Variants in CFAP54 observed in about 807,000 individuals in gnomAD.
The protein encoded by CFAP54 is cilia- and flagella-associated protein 54.
A neutral mutation model predicts 370.4 loss-of-function variants in CFAP54; 290 were observed. The observed-to-expected ratio is 0.78, with a 90% CI of 0.71 to 0.86. CFAP54 has a LOEUF of 0.86. Among genes scored for constraint, CFAP54 ranks in the 40% least tolerant of loss-of-function variants. CFAP54 has a pLI of 0.00. For synonymous variants in CFAP54, 1,206 were observed against 1,236.5 expected (o/e 0.98, Z 0.52); for missense variants, 3,399 against 3,528.7 (o/e 0.96, Z 0.93).
intron 67 of CFAP54, among the ~76,000 whole-genome samples, chr12:96,862,589 A>G (rs1337763165): frequency 6.6e-6 from 1 of 152,210 alleles, no homozygotes; most frequent in Admixed American, 6.5e-5. Context: ...GATATAATGA[A>G]AGGGAAAGAA....
intron 65 of CFAP54, among the ~76,000 whole-genome samples, chr12:96,824,174 AC>A: frequency 6.6e-6 from 1 of 152,206 alleles, no homozygotes; most frequent in Non-Finnish European, 1.5e-5. Context: ...TCTGGCTGGG[AC>A]AGGCGAGCTC....
At chr12:96,767,317 T>C (rs1565971094) in intron 60 of CFAP54, among the ~76,000 whole-genome samples, 2 of 152,238 alleles carry the variant, frequency 1.3e-5, no homozygotes, top group Admixed American at 1.3e-4. Context: ...TAATTAATGA[T>C]GTCAGCCAGG....
intron 44 of CFAP54, among the ~76,000 whole-genome samples, chr12:96,692,958 C>T (rs533247742): frequency 6.6e-6 from 1 of 152,252 alleles, no homozygotes; most frequent in East Asian, 1.9e-4. Context: ...GGAGCTGTTC[C>T]AGTGTTAGGC....
chr12:96,633,677 A>G (rs1956632776), intron 32 of CFAP54, among the ~76,000 whole-genome samples: 1 of 152,196 alleles, frequency 6.6e-6, no homozygotes, highest in South Asian at 2.1e-4. Context: ...CCATTTACCT[A>G]TTGAAGAGCA....
At chr12:96,490,326 A>G (rs1013159199) in intron 1 of CFAP54, among the ~76,000 whole-genome samples, 2 of 152,340 alleles carry the variant, frequency 1.3e-5, no homozygotes, top group East Asian at 3.9e-4. Flanking sequence ...AAATTAAGAA[A>G]AAGTCACTGT....
At chr12:96,534,777 G>A (rs1955484092) in intron 11 of CFAP54, among the ~76,000 whole-genome samples, 1 of 152,086 alleles carries the variant, frequency 6.6e-6, no homozygotes, top group Non-Finnish European at 1.5e-5. Flanking sequence ...GATATTGCAT[G>A]GCTTATCAGT....
intron 17 of CFAP54, among the ~76,000 whole-genome samples, chr12:96,561,545 T>G (rs1326955050): frequency 1.3e-5 from 2 of 152,100 alleles, no homozygotes; most frequent in African/African-American, 4.8e-5. Context: ...TGACCTATCT[T>G]TTGCTTTCTC....
At chr12:96,639,828 C>G (rs980959152) in intron 32 of CFAP54, among the ~76,000 whole-genome samples, 1 of 152,136 alleles carries the variant, frequency 6.6e-6, no homozygotes, top group African/African-American at 2.4e-5. Context: ...ACGACAAAAA[C>G]CACATGATTA....
rs1334572388 is a variant in CFAP54 at position 96,742,387 on chromosome 12, GAACCTTGACATTATTA to G, written c.7072-49_7072-34del. ...TTACATTACATTTAGTCTTAGGCTA[GAACCTTGACATTATTA>G]AATGGAAAGATAACCATCATTTTAA... On this transcript the variant is annotated intron_variant, in intron 51 of 67. Coordinates refer to ENST00000524981, the MANE Select transcript of CFAP54 (RefSeq NM_001306084.2). The G allele has an allele frequency of 5.1e-6, 7 of 1,375,640 alleles. No homozygotes were observed. In the African/African-American group the frequency reaches 1.0e-4, roughly 20 times the overall value. 85.2% of individuals were successfully genotyped at this position (1,375,640 alleles called of 1,614,324 possible). A position where few individuals can be genotyped will look rare whatever the true frequency, so the allele number is the denominator to read the frequency against.
intron 60 of CFAP54, among the ~76,000 whole-genome samples, chr12:96,768,599 A>G (rs963960416): frequency 5.9e-5 from 9 of 152,188 alleles, no homozygotes; most frequent in Non-Finnish European, 8.8e-5. Context: ...GGTTGCAGTG[A>G]GCCGAGATCA....
chr12:96,615,747 A>C (rs1191228944), intron 26 of CFAP54, among the ~76,000 whole-genome samples: 2 of 152,228 alleles, frequency 1.3e-5, no homozygotes, highest in Non-Finnish European at 2.9e-5. Flanking sequence ...ATGCAGCCAA[A>C]AGACACATGA....
At chr12:96,684,286 T>G (rs1957301282) in intron 40 of CFAP54, among the ~76,000 whole-genome samples, 1 of 152,118 alleles carries the variant, frequency 6.6e-6, no homozygotes, top group Non-Finnish European at 1.5e-5. Flanking sequence ...CAGACTCAGT[T>G]CACCCTCTCC....
intron 67 of CFAP54, among the ~76,000 whole-genome samples, chr12:96,869,955 AG>A (rs910805233): frequency 3.4e-5 from 5 of 148,960 alleles, no homozygotes; most frequent in Admixed American, 6.7e-5. Flanking sequence ...AAAAAAAAAA[AG>A]GAAGGAAGGA....
chr12:96,741,651 A>G (rs7139358), intron 51 of CFAP54, among the ~76,000 whole-genome samples: 54,960 of 151,966 alleles, frequency 0.36, 10,819 homozygotes, highest in East Asian at 0.58. Context: ...GTTTTTCTAA[A>G]TGATTTTAAA....
chr12:96,504,247 G>A (rs946143267), intron 3 of CFAP54, among the ~76,000 whole-genome samples: 3 of 152,206 alleles, frequency 2.0e-5, no homozygotes, highest in East Asian at 3.8e-4. Context: ...ACTCATTCAT[G>A]TAGCAGTTGT....
At chr12:96,504,710 G>A in intron 3 of CFAP54, among the ~76,000 whole-genome samples, 1 of 152,182 alleles carries the variant, frequency 6.6e-6, no homozygotes, top group Non-Finnish European at 1.5e-5. Context: ...CTATTCAAGG[G>A]TTTGGGACCC....
chr12:96,685,147 CCGGGTTTCAAAG>C lies in CFAP54; in HGVS notation c.5924_5935del (p.Pro1975_Asp1979delinsHis). 4 of 1,614,126 alleles carry C rather than the reference CCGGGTTTCAAAG, an allele frequency of 2.5e-6. No individual in the cohort carries two copies. The highest frequency in any genetic ancestry group is 3.4e-6 in the Non-Finnish European group (4 of 1,180,006). On this transcript the variant is annotated inframe_deletion, in exon 42 of 68. Coordinates refer to ENST00000524981, the MANE Select transcript of CFAP54 (RefSeq NM_001306084.2). ...CAATGTCACCAACAGTCATTCACCTCCGGGTTTCAAAGACTACAGTGAGGAGTTTCTGTCAAG... is the reference window on the plus strand; with the variant it reads ...CAATGTCACCAACAGTCATTCACCTCACTACAGTGAGGAGTTTCTGTCAAG...
Position 96,685,015 on chromosome 12 carries a change from T to A in CFAP54, c.5805-14T>A, listed in dbSNP as rs1236351562. The A allele has an allele frequency of 6.2e-7, 1 of 1,612,416 alleles. No individual in the cohort carries two copies. Among genetic ancestry groups the A allele is most frequent in the South Asian group, 1.1e-5 (1 of 90,790 alleles). On this transcript the variant is annotated splice_polypyrimidine_tract_variant and intron_variant, in intron 41 of 67. Transcript: ENST00000524981. Reference sequence around the variant, plus strand: ...TCAGAAAACTTACTGCTTGATGCTTTGTCTCTGTTTTAGGGCTGCTTTTAA... The same window carrying A: ...TCAGAAAACTTACTGCTTGATGCTTAGTCTCTGTTTTAGGGCTGCTTTTAA...
In CFAP54 at chr12:96,538,459, C is replaced by T. The variant is rs1419429071; in HGVS notation, c.1867C>T (p.Arg623Trp). 1.6e-5 allele frequency: 25 copies of T among 1,535,908 alleles called. No individual in the cohort carries two copies. Among genetic ancestry groups the T allele is most frequent in the Admixed American group, 5.9e-5 (3 of 50,994 alleles). The stretch of plus-strand genomic sequence containing the variant: ...GCAGAAATGCAAATTAGGAATTCAG[C>T]GGCTCAATATATCCAGAAATGACTA... The part of the protein sequence containing the change: ...LWQKCKLGIQ[R>W]LNISRNDYAK... Residue 623 changes from arginine (R) to tryptophan (W), a missense_variant, in exon 13 of 68, where the codon CGG (arginine) becomes TGG (tryptophan). Physicochemically the swap from Arg to Trp is moderately radical, Grantham distance 101. Transcript: ENST00000524981.
Sources: allele counts gnomAD v4.1 joint callset (sites outside exome capture counted in the v4.1 genomes callset), GRCh38; gene constraint gnomAD v4.1.1; transcripts MANE v1.5; gene names NCBI Gene and HGNC (gene_info 2026-07-23, HGNC 2026-07-21).